Variants in SMTNL2 observed in about 807,000 individuals in gnomAD.
SMTNL2 encodes smoothelin-like protein 2.
SMTNL2 carries 43 observed loss-of-function variants against 44.1 expected under a neutral mutation model. The observed-to-expected ratio is 0.98, with a 90% confidence interval of 0.76 to 1.26. The LOEUF is 1.26. Ranked by LOEUF, SMTNL2 falls within the 50% of genes most tolerant of loss-of-function variation. The probability of loss-of-function intolerance (pLI) is 0.00; values close to 1 mark genes in which losing one functional copy is unlikely to be tolerated. For missense variants in SMTNL2, 646 were observed against 670.2 expected, an observed-to-expected ratio of 0.96 and a Z score of 0.40; for synonymous variants, 317 against 287.6, an observed-to-expected ratio of 1.10 and a Z score of -1.03.
intron 7 of SMTNL2, among the ~76,000 whole-genome samples, chr17:4,605,676 GA>G (rs1019083334): frequency 1.3e-5 from 2 of 151,790 alleles, no homozygotes; most frequent in East Asian, 1.9e-4. Context: ...TTATTGATGG[GA>G]AAAAAAATAG....
intron 3 of SMTNL2, among the ~76,000 whole-genome samples, 160 bp downstream of exon 3, chr17:4,593,331 C>T (rs1909662026): frequency 1.3e-5 from 2 of 152,270 alleles, no homozygotes; most frequent in Non-Finnish European, 2.9e-5. Flanking sequence ...TTAGCCCATC[C>T]TCCCGGGCTA....
chr17:4,604,488 C>T lies in SMTNL2; in HGVS notation c.1260-2873C>T, dbSNP rs561087086. Among the ~76,000 whole-genome samples, 28 of 152,282 alleles carry T rather than the reference C, an allele frequency of 1.8e-4. 1 individual carries two copies. In the South Asian group the frequency reaches 5.2e-3, roughly 28 times the overall value. ...GTCTTGTCTCTGGAGCACACAGCCG[C>T]GTGAGTCCTGGTAGAAAGTGCTGAG... On this transcript the variant is annotated intron_variant, in intron 7 of 7. Transcript: ENST00000389313.
intron 7 of SMTNL2, among the ~76,000 whole-genome samples, chr17:4,604,797 A>G (rs893373327): frequency 3.3e-5 from 5 of 151,988 alleles, no homozygotes; most frequent in African/African-American, 9.7e-5. Context: ...TCAGTCTCCC[A>G]AGTAGCTGGG....
chr17:4,606,544 T>G (rs1478174048), intron 7 of SMTNL2, among the ~76,000 whole-genome samples: 1 of 152,098 alleles, frequency 6.6e-6, no homozygotes, highest in African/African-American at 2.4e-5. Context: ...GGAAGATCGC[T>G]TGAGGCAGGC....
chr17:4,593,715 G>T, intron 3 of SMTNL2, 107 bp from the exon 4 acceptor site: 1 of 1,113,304 alleles, frequency 9.0e-7, no homozygotes. Context: ...GCTCATCCAT[G>T]CAGCGATGCC....
In SMTNL2 at chr17:4,601,976, C is replaced by T. The variant is rs549050873; in HGVS notation, c.1259+4653C>T. Reference sequence around the variant, plus strand: ...ATCACTTTCTTTTTCTGCTGTCTCCCGAGTTTTGTCCAGCCTATGTCTGCA... The same window carrying T: ...ATCACTTTCTTTTTCTGCTGTCTCCTGAGTTTTGTCCAGCCTATGTCTGCA... On this transcript the variant is annotated intron_variant, in intron 7 of 7. Coordinates refer to ENST00000389313, the MANE Select transcript of SMTNL2 (RefSeq NM_001114974.2). 3.9e-5 allele frequency among the ~76,000 whole-genome samples: 6 copies of T among 152,082 alleles called. No individual in the cohort carries two copies. In the East Asian group the frequency reaches 5.8e-4, roughly 15 times the overall value.
chr17:4,596,890 G>A lies in SMTNL2; in HGVS notation c.1020G>A (p.Lys340=). The change falls in exon 6 of 8, where the codon AAG becomes AAA. Residue 340 remains lysine, a synonymous_variant. Coordinates refer to ENST00000389313, the MANE Select transcript of SMTNL2 (RefSeq NM_001114974.2). ...KGKGEARARL[K]RSQSFGVASA... ...AAGGCGAGGCCCGGGCCAGGCTGAA[G>A]CGGTCGCAGAGCTTCGGCGTGGCCA... 4 of 1,513,298 alleles carry A rather than the reference G, an allele frequency of 2.6e-6. No homozygotes were observed. Among genetic ancestry groups the A allele is most frequent in the Admixed American group, 4.1e-5 (2 of 48,842 alleles). 93.7% of individuals were successfully genotyped at this position (1,513,298 alleles called of 1,614,324 possible). A position where few individuals can be genotyped will look rare whatever the true frequency, so the allele number is the denominator to read the frequency against.
chr17:4,591,284 G>T (rs1364152478), intron 1 of SMTNL2, among the ~76,000 whole-genome samples: 4 of 152,242 alleles, frequency 2.6e-5, no homozygotes, highest in African/African-American at 9.6e-5. Flanking sequence ...GAACCTTGTA[G>T]ACCAGGGGGC....
chr17:4,593,233 G>A (rs952630332), intron 3 of SMTNL2, 62 bp downstream of exon 3: 52 of 1,514,242 alleles, frequency 3.4e-5, no homozygotes, highest in Middle Eastern at 1.9e-4. Flanking sequence ...AGGGAAGGCC[G>A]GGGCTGGGGA....
intron 1 of SMTNL2, among the ~76,000 whole-genome samples, chr17:4,585,560 CG>C (rs1213677005): frequency 6.6e-6 from 1 of 152,192 alleles, no homozygotes; most frequent in Non-Finnish European, 1.5e-5. Context: ...AATCCCTTAC[CG>C]TGAAGGGAGA....
chr17:4,607,492 C>G lies in SMTNL2; in HGVS notation c.*5C>G. Reference sequence around the variant, plus strand: ...CACCTGCGTCGCTTCGAGTAAAGCCCCTGAGCCTGGATTGCCAAAGAGCAG... The same window carrying G: ...CACCTGCGTCGCTTCGAGTAAAGCCGCTGAGCCTGGATTGCCAAAGAGCAG... On this transcript the variant is annotated 3_prime_UTR_variant, in exon 8 of 8. Transcript: ENST00000389313. This position sits in a 1 kb window ranked among gnomAD's most constrained non-coding sequence, Gnocchi z 4.7. The G allele has an allele frequency of 6.2e-7, 1 of 1,613,558 alleles. No individual in the cohort carries two copies. Among genetic ancestry groups the G allele is most frequent in the Non-Finnish European group, 8.5e-7 (1 of 1,179,572 alleles).
intron 1 of SMTNL2, among the ~76,000 whole-genome samples, chr17:4,586,746 G>A (rs1909360838): frequency 6.6e-6 from 1 of 152,172 alleles, no homozygotes; most frequent in Admixed American, 6.5e-5. Flanking sequence ...AGAAAGGAAA[G>A]GTCTGAGCTG....
intron 1 of SMTNL2, among the ~76,000 whole-genome samples, chr17:4,590,286 T>C (rs1338230828): frequency 6.6e-6 from 1 of 151,928 alleles, no homozygotes; most frequent in East Asian, 1.9e-4. Context: ...GCTTCTTGAC[T>C]CCCTTCCTTC....
chr17:4,585,063 G>C (rs1909293720), intron 1 of SMTNL2, 59 bp downstream of exon 1: 1 of 1,276,424 alleles, frequency 7.8e-7, no homozygotes, highest in African/African-American at 1.6e-5. Context: ...ACCGGGTGCC[G>C]CCCCTTCGCC....
rs890411899 is a variant in SMTNL2 at position 4,600,434 on chromosome 17, A to G, written c.1259+3111A>G. ...GACAACTTCTGGAAGGGAAAGGAGG[A>G]CACAGGTCCCCAAACCACGGGTTCA... On this transcript the variant is annotated intron_variant, in intron 7 of 7. Transcript: ENST00000389313. This position sits in a 1 kb window ranked among gnomAD's most constrained non-coding sequence, Gnocchi z 4.7. Among the ~76,000 whole-genome samples the G allele has an allele frequency of 6.6e-6, 1 of 152,148 alleles. No individual in the cohort carries two copies. Among genetic ancestry groups the G allele is most frequent in the Non-Finnish European group, 1.5e-5 (1 of 68,024 alleles).
intron 1 of SMTNL2, among the ~76,000 whole-genome samples, chr17:4,591,580 C>G (rs1339125827): frequency 6.6e-6 from 1 of 152,244 alleles, no homozygotes; most frequent in Non-Finnish European, 1.5e-5. Flanking sequence ...GAAGGTGTTG[C>G]TATAAGGATA....
chr17:4,597,630 G>A (rs943192172), intron 7 of SMTNL2, among the ~76,000 whole-genome samples: 7 of 152,192 alleles, frequency 4.6e-5, no homozygotes, highest in Non-Finnish European at 1.0e-4. Context: ...CAGGCATGAA[G>A]GGCAGCAGGA....
Position 4,585,012 on chromosome 17 carries a change from C to T in SMTNL2, c.399+8C>T. 4 of 1,321,064 alleles carry T rather than the reference C, an allele frequency of 3.0e-6. No homozygotes were observed. Among genetic ancestry groups the T allele is most frequent in the Middle Eastern group, 2.9e-4 (1 of 3,494 alleles). The allele number at this position is 1,321,064 out of a possible 1,614,324, so 81.8% of individuals were successfully genotyped here. A position where few individuals can be genotyped will look rare whatever the true frequency, so the allele number is the denominator to read the frequency against. Reference sequence around the variant, plus strand: ...CTGTCCGGCCGCGGCCAGGTGAGCCCGGGGGAGCGCGTGCGCTGGCGCCAG... The same window carrying T: ...CTGTCCGGCCGCGGCCAGGTGAGCCTGGGGGAGCGCGTGCGCTGGCGCCAG... On this transcript the variant is annotated splice_region_variant and intron_variant, in intron 1 of 7. Transcript: ENST00000389313.
chr17:4,599,993 T>C (rs1008305503), intron 7 of SMTNL2, among the ~76,000 whole-genome samples: 1 of 152,110 alleles, frequency 6.6e-6, no homozygotes, highest in African/African-American at 2.4e-5. Context: ...AGTTCTTGCT[T>C]TTCTGCTGAC....
Sources: gnomAD v4.1 joint callset for allele counts (sites outside exome capture counted in the v4.1 genomes callset) on GRCh38, gnomAD v4.1.1 for gene constraint, Gnocchi (gnomAD v3.1) non-coding constraint, MANE v1.5 for transcripts, NCBI Gene and HGNC (gene_info 2026-07-23, HGNC 2026-07-21) for gene names.